Variants in DEFB4B observed in about 807,000 individuals in gnomAD.
DEFB4B encodes defensin beta 4B.
At chr8:7,416,394 ACAAGCTACTGGG>A (rs1457980274) in intron 1 of DEFB4B, among the ~76,000 whole-genome samples, 1 of 151,826 alleles carries the variant, frequency 6.6e-6, no homozygotes, top group Non-Finnish European at 1.5e-5. Flanking sequence ...GATGATATTT[ACAAGCTACTGGG>A]CTCCTTCATA....
intron 1 of DEFB4B, among the ~76,000 whole-genome samples, chr8:7,415,863 A>G (rs1312746335): frequency 6.8e-6 from 1 of 146,194 alleles, no homozygotes; most frequent in Non-Finnish European, 1.5e-5. Flanking sequence ...TTCTCACAAA[A>G]CCCAGGACTC....
chr8:7,416,385 A>G (rs2128862986), intron 1 of DEFB4B, among the ~76,000 whole-genome samples: 1 of 151,910 alleles, frequency 6.6e-6, no homozygotes, highest in East Asian at 1.9e-4. Flanking sequence ...CAGTGAAGAG[A>G]TGATATTTAC....
intron 1 of DEFB4B, among the ~76,000 whole-genome samples, chr8:7,416,328 C>T (rs1241633995): frequency 2.0e-5 from 3 of 151,696 alleles, no homozygotes; most frequent in African/African-American, 4.9e-5. Flanking sequence ...TTTAAAAAGT[C>T]ACCTAACAGG....
chr8:7,415,690 T>TCCCTCCCC, intron 1 of DEFB4B, among the ~76,000 whole-genome samples: 1 of 25,218 alleles, frequency 4.0e-5, no homozygotes, highest in African/African-American at 1.8e-4. Flanking sequence ...TCTTTTTTTA[T>TCCCTCCCC]CCCTCCCTCC....
intron 1 of DEFB4B, among the ~76,000 whole-genome samples, chr8:7,415,777 C>T (rs1317809069): frequency 2.0e-5 from 3 of 146,434 alleles, no homozygotes; most frequent in Non-Finnish European, 3.0e-5. Flanking sequence ...GCCTCCCTGC[C>T]TCCCCGCCTT....
intron 1 of DEFB4B, among the ~76,000 whole-genome samples, chr8:7,415,330 A>G (rs1435984446): frequency 2.7e-5 from 4 of 150,778 alleles, no homozygotes; most frequent in African/African-American, 4.9e-5. Flanking sequence ...TTTTTGTAGA[A>G]CCTGATTGTG....
At chr8:7,415,856 T>C (rs1174850616) in intron 1 of DEFB4B, among the ~76,000 whole-genome samples, 9 of 148,556 alleles carry the variant, frequency 6.1e-5, no homozygotes, top group African/African-American at 2.2e-4. Context: ...CCCATTGTTC[T>C]CACAAAACCC....
intron 1 of DEFB4B, among the ~76,000 whole-genome samples, chr8:7,415,539 A>T (rs1326176161): frequency 1.8e-4 from 27 of 151,430 alleles, no homozygotes; most frequent in Non-Finnish European, 2.2e-4. Flanking sequence ...CTGAGATGGG[A>T]TAAAAAGATG....
chr8:7,415,552 A>T (rs1294318258), intron 1 of DEFB4B, among the ~76,000 whole-genome samples: 11 of 151,690 alleles, frequency 7.3e-5, no homozygotes, highest in African/African-American at 2.7e-4. Flanking sequence ...AAAAGATGCA[A>T]CTTACTGAAA....
At chr8:7,415,370 G>A (rs1452881764) in intron 1 of DEFB4B, among the ~76,000 whole-genome samples, 19 of 151,206 alleles carry the variant, frequency 1.3e-4, no homozygotes, top group Admixed American at 1.3e-4. Flanking sequence ...GAGTGACTGG[G>A]GCCTCCAGGT....
chr8:7,415,329 A>G (rs1280505454), intron 1 of DEFB4B, among the ~76,000 whole-genome samples: 3 of 150,750 alleles, frequency 2.0e-5, no homozygotes, highest in Non-Finnish European at 4.4e-5. Flanking sequence ...ATTTTTGTAG[A>G]ACCTGATTGT....
At chr8:7,415,293 G>T (rs1280929015) in intron 1 of DEFB4B, among the ~76,000 whole-genome samples, 196 bp from the exon 2 acceptor site, 1 of 149,814 alleles carries the variant, frequency 6.7e-6, no homozygotes, top group African/African-American at 2.5e-5. Flanking sequence ...ATGGAAACTG[G>T]CACTGCTGTG....
At chr8:7,416,588 GA>G (rs370361125) in intron 1 of DEFB4B, among the ~76,000 whole-genome samples, 181 bp downstream of exon 1, 28,037 of 136,364 alleles carry the variant, frequency 0.21, 490 homozygotes, top group African/African-American at 0.28. Flanking sequence ...AAGAAAGACA[GA>G]AAAAAAGAGA....
chr8:7,416,340 T>A (rs1808858129), intron 1 of DEFB4B, among the ~76,000 whole-genome samples: 1 of 151,758 alleles, frequency 6.6e-6, no homozygotes, highest in Non-Finnish European at 1.5e-5. Flanking sequence ...CCTAACAGGT[T>A]TCAACCATAG....
At chr8:7,416,170 T>A (rs1335212430) in intron 1 of DEFB4B, among the ~76,000 whole-genome samples, 2 of 151,142 alleles carry the variant, frequency 1.3e-5, no homozygotes, top group African/African-American at 2.4e-5. Context: ...GGGCAGAGTG[T>A]CTGCTGCAGT....
chr8:7,415,464 T>G (rs1290219409), intron 1 of DEFB4B, among the ~76,000 whole-genome samples: 1 of 151,272 alleles, frequency 6.6e-6, no homozygotes, highest in Non-Finnish European at 1.5e-5. Flanking sequence ...CATACCTCCA[T>G]TTTAACACAC....
At chr8:7,415,747 G>T (rs1374313254) in intron 1 of DEFB4B, among the ~76,000 whole-genome samples, 2 of 69,538 alleles carry the variant, frequency 2.9e-5, no homozygotes, top group African/African-American at 1.2e-4. Context: ...CTCCCCACCT[G>T]CCCGCCTCCC....
intron 1 of DEFB4B, among the ~76,000 whole-genome samples, chr8:7,415,706 TC>T (rs1808812974): frequency 4.3e-5 from 3 of 69,072 alleles, no homozygotes; most frequent in Admixed American, 4.1e-4. Context: ...CCTCCCTCCC[TC>T]CCTCCCTCCC....
intron 1 of DEFB4B, among the ~76,000 whole-genome samples, chr8:7,415,708 C>CT (rs1260310922): frequency 8.2e-6 from 1 of 121,906 alleles, no homozygotes; most frequent in African/African-American, 3.1e-5. Flanking sequence ...TCCCTCCCTC[C>CT]CTCCCTCCCT....
Sources: allele counts gnomAD v4.1 joint callset (sites outside exome capture counted in the v4.1 genomes callset), GRCh38; gene constraint gnomAD v4.1.1; transcripts MANE v1.5; gene names NCBI Gene and HGNC (gene_info 2026-07-23, HGNC 2026-07-21).